Variants in PPP2R2B observed in about 807,000 individuals in gnomAD.
PPP2R2B encodes serine/threonine-protein phosphatase 2A 55 kDa regulatory subunit B beta isoform.
In PPP2R2B, 5 loss-of-function variants were observed where a neutral mutation model predicts 46.0. That is an observed-to-expected ratio of 0.11 (90% confidence interval 0.06 to 0.23). The LOEUF is 0.23. Among genes scored for constraint, PPP2R2B ranks in the 10% least tolerant of loss-of-function variants. The probability of loss-of-function intolerance (pLI) is 1.00; values close to 1 mark genes in which losing one functional copy is unlikely to be tolerated. For synonymous variants in PPP2R2B, 215 were observed against 206.7 expected (o/e 1.04, Z -0.34); for missense variants, 367 against 575.0 (o/e 0.64, Z 3.70).
chr5:146,634,907 G>T (rs1774704145), intron 7 of PPP2R2B, among the ~76,000 whole-genome samples: 1 of 152,082 alleles, frequency 6.6e-6, no homozygotes, highest in African/African-American at 2.4e-5. Flanking sequence ...CTGACATAAA[G>T]TATGTGATTA....
chr5:146,827,705 T>C (rs1207259198), intron 2 of PPP2R2B, among the ~76,000 whole-genome samples: 1 of 152,186 alleles, frequency 6.6e-6, no homozygotes, highest in East Asian at 1.9e-4. Flanking sequence ...ATTGATAAAG[T>C]ATCGACTCCA....
intron 2 of PPP2R2B, among the ~76,000 whole-genome samples, chr5:146,761,316 A>G (rs1383465021): frequency 2.0e-5 from 3 of 152,246 alleles, no homozygotes; most frequent in African/African-American, 7.2e-5. Context: ...CATATACACC[A>G]TGGAATACTA....
At chr5:146,707,696 G>T in intron 2 of PPP2R2B, 1 of 518,458 alleles carries the variant, frequency 1.9e-6, no homozygotes, top group Non-Finnish European at 3.5e-6. Context: ...TTTCTAACAG[G>T]TAAAGCAATA....
rs369180442 is a variant in PPP2R2B at position 146,960,358 on chromosome 5, C to T, written c.79+95307G>A. 3.5e-4 allele frequency among the ~76,000 whole-genome samples: 53 copies of T among 152,238 alleles called. 1 individual carries two copies. Among genetic ancestry groups the T allele is most frequent in the African/African-American group, 1.1e-3 (47 of 41,540 alleles). On this transcript the variant is annotated intron_variant, in intron 1 of 8. Transcript: ENST00000336640. The stretch of plus-strand genomic sequence containing the variant: ...AGGCTGGAGTGCAGTGGCACAATCT[C>T]GGCTCACTGCAACCTCCACCTCCCG...
chr5:146,999,062 C>A (rs147915640), intron 1 of PPP2R2B, among the ~76,000 whole-genome samples: 2 of 142,812 alleles, frequency 1.4e-5, no homozygotes, highest in South Asian at 2.4e-4. Flanking sequence ...GTTTTGAGAT[C>A]TTTCCTGTGC....
chr5:146,588,296 A>G lies in PPP2R2B; in HGVS notation c.*1651T>C, dbSNP rs1770271853. On this transcript the variant is annotated 3_prime_UTR_variant, in exon 10 of 10. Transcript: ENST00000394411. ...AACAAGACTGTTTTTACCTAAGGTG[A>G]CAGTTATTTCCTTGCCAAAAAGCTA... 2 of 152,224 alleles carry G rather than the reference A, an allele frequency of 1.3e-5. No individual in the cohort carries two copies. Among genetic ancestry groups the G allele is most frequent in the Non-Finnish European group, 2.9e-5 (2 of 68,036 alleles). 9.4% of individuals were successfully genotyped at this position (152,224 alleles called of 1,614,324 possible).
chr5:146,912,760 G>A (rs905087609), intron 1 of PPP2R2B, among the ~76,000 whole-genome samples: 2 of 151,998 alleles, frequency 1.3e-5, no homozygotes, highest in African/African-American at 2.4e-5. Flanking sequence ...GCTCGCTTCG[G>A]CCTCCCAAAG....
intron 1 of PPP2R2B, among the ~76,000 whole-genome samples, chr5:147,012,530 C>T (rs1201343933): frequency 6.6e-6 from 1 of 152,094 alleles, no homozygotes; most frequent in African/African-American, 2.4e-5. Flanking sequence ...AAAAAACCAG[C>T]TCCTGGATTC....
chr5:146,842,075 A>C (rs1315232272), intron 2 of PPP2R2B, among the ~76,000 whole-genome samples: 1 of 152,172 alleles, frequency 6.6e-6, no homozygotes, highest in Non-Finnish European at 1.5e-5. Flanking sequence ...AAGCCAAAAC[A>C]ACCACATTCC....
At chr5:146,827,116 C>T (rs904015700) in intron 2 of PPP2R2B, among the ~76,000 whole-genome samples, 12 of 152,072 alleles carry the variant, frequency 7.9e-5, no homozygotes, top group South Asian at 2.1e-4. Context: ...ATAATCAATA[C>T]CGTATCCTTG....
At chr5:146,693,401 G>T (rs745436238) in intron 4 of PPP2R2B, among the ~76,000 whole-genome samples, 3 of 151,952 alleles carry the variant, frequency 2.0e-5, no homozygotes, top group Non-Finnish European at 4.4e-5. Context: ...TTTTTATAGA[G>T]ACATGATTTT....
At chr5:147,025,464 A>T (rs930551264) in intron 1 of PPP2R2B, among the ~76,000 whole-genome samples, 3 of 145,438 alleles carry the variant, frequency 2.1e-5, no homozygotes, top group Non-Finnish European at 4.5e-5. Context: ...CATTACAAAT[A>T]AAAAAAAAAC....
intron 6 of PPP2R2B, among the ~76,000 whole-genome samples, chr5:146,647,923 G>C (rs1283761896): frequency 6.6e-6 from 1 of 152,218 alleles, no homozygotes; most frequent in Non-Finnish European, 1.5e-5. Flanking sequence ...AATATGCCAG[G>C]CATGGTCCTG....
chr5:147,069,209 C>G (rs529924076), intron 2 of PPP2R2B, among the ~76,000 whole-genome samples: 188 of 152,242 alleles, frequency 1.2e-3, no homozygotes, highest in Non-Finnish European at 2.2e-3. Flanking sequence ...CAGTGAACTT[C>G]AGACCACAGA....
At chr5:146,897,155 A>G (rs1234861428) in intron 1 of PPP2R2B, among the ~76,000 whole-genome samples, 1 of 152,188 alleles carries the variant, frequency 6.6e-6, no homozygotes, top group African/African-American at 2.4e-5. Flanking sequence ...GAAGACAGGT[A>G]AGTGGAGGAA....
rs192991785 is a variant in PPP2R2B at position 147,016,425 on chromosome 5, C to T, written c.79+39240G>A. ...TTATGACTTTGTTTTACTTCTAAGA[C>T]GTTGTTAGCATAGAATTTGAAGCTT... is the stretch of plus-strand genomic sequence containing the variant. On this transcript the variant is annotated intron_variant, in intron 1 of 8. Coordinates refer to the PPP2R2B transcript ENST00000336640. Among the ~76,000 whole-genome samples, 527 of 151,330 alleles carry T rather than the reference C, an allele frequency of 3.5e-3. 5 individuals carry two copies. The highest frequency in any genetic ancestry group is 0.012 in the African/African-American group (508 of 41,454).
chr5:146,687,032 T>G (rs1024128682), intron 5 of PPP2R2B, among the ~76,000 whole-genome samples: 1 of 144,570 alleles, frequency 6.9e-6, no homozygotes, highest in Admixed American at 7.0e-5. Context: ...TGTATGTGTG[T>G]GTGTGTGTGG....
chr5:146,962,582 AG>A (rs1258302863), intron 1 of PPP2R2B, among the ~76,000 whole-genome samples: 3 of 151,942 alleles, frequency 2.0e-5, no homozygotes, highest in African/African-American at 7.2e-5. Flanking sequence ...GCTTGAACCC[AG>A]GAGGCAGAGG....
intron 4 of PPP2R2B, among the ~76,000 whole-genome samples, chr5:146,697,014 A>G (rs1258168559): frequency 6.6e-6 from 1 of 152,184 alleles, no homozygotes; most frequent in Non-Finnish European, 1.5e-5. Flanking sequence ...ATATTCATGT[A>G]TGTTTGATCA....
Sources: allele counts gnomAD v4.1 joint callset (sites outside exome capture counted in the v4.1 genomes callset), GRCh38; gene constraint gnomAD v4.1.1; transcripts MANE v1.5; gene names NCBI Gene and HGNC (gene_info 2026-07-23, HGNC 2026-07-21).